SRGAP1: variants seen among roughly 807,000 people sequenced by gnomAD.
SRGAP1 encodes SLIT-ROBO Rho GTPase activating protein 1.
In SRGAP1, 43 loss-of-function variants were observed where a neutral mutation model predicts 121.9. The ratio of observed to expected loss-of-function variants is 0.35; its 90% CI spans 0.28 to 0.46. The LOEUF is 0.46. Ranked by LOEUF, SRGAP1 falls within the 20% of genes least tolerant of loss-of-function variation. The pLI is 1.00. For missense variants in SRGAP1, 1,102 were observed against 1,350.9 expected (o/e 0.82, Z 2.89); for synonymous variants, 447 against 485.4 (o/e 0.92, Z 1.04).
At chr12:64,052,027 A>G (rs2035247267) in intron 6 of SRGAP1, among the ~76,000 whole-genome samples, 1 of 152,206 alleles carries the variant, frequency 6.6e-6, no homozygotes, top group Non-Finnish European at 1.5e-5. Flanking sequence ...AAAATATTAG[A>G]TATCAGAACT....
intron 18 of SRGAP1, 142 bp downstream of exon 18, chr12:64,116,035 A>G: frequency 1.5e-6 from 1 of 684,746 alleles, no homozygotes; most frequent in Non-Finnish European, 2.4e-6. Flanking sequence ...TTGGAGGATC[A>G]CTTGAGCCCA....
chr12:63,884,692 G>A (rs1381926585), intron 1 of SRGAP1, among the ~76,000 whole-genome samples: 3 of 148,816 alleles, frequency 2.0e-5, no homozygotes, highest in Non-Finnish European at 3.0e-5. Flanking sequence ...CCCTCTTCCC[G>A]CTTCCCAGTC....
chr12:63,849,983 C>T (rs965747702), intron 1 of SRGAP1, among the ~76,000 whole-genome samples: 5 of 152,150 alleles, frequency 3.3e-5, no homozygotes, highest in African/African-American at 1.2e-4. Flanking sequence ...AGGAAACCGT[C>T]GTCTGTGAAC....
chr12:64,137,961 A>ATATATATATATATATAT (rs1555177364), intron 21 of SRGAP1, among the ~76,000 whole-genome samples: 1 of 139,684 alleles, frequency 7.2e-6, no homozygotes, highest in African/African-American at 2.7e-5. Context: ...TTAAAAAAAA[A>ATATATATATATATATAT]ATATATATAT....
At chr12:63,882,439 G>A (rs1021579006) in intron 1 of SRGAP1, among the ~76,000 whole-genome samples, 1 of 151,874 alleles carries the variant, frequency 6.6e-6, no homozygotes, top group Non-Finnish European at 1.5e-5. Context: ...CCGCAACCAC[G>A]CCTGGCTAAG....
intron 15 of SRGAP1, among the ~76,000 whole-genome samples, chr12:64,103,670 C>G (rs2036294589): frequency 6.6e-6 from 1 of 152,142 alleles, no homozygotes; most frequent in South Asian, 2.1e-4. Flanking sequence ...TTTCCTTTAT[C>G]CTTAAAAATA....
chr12:64,034,210 CTG>C (rs2034848782), intron 4 of SRGAP1, among the ~76,000 whole-genome samples: 1 of 152,050 alleles, frequency 6.6e-6, no homozygotes, highest in African/African-American at 2.4e-5. Flanking sequence ...CCTGCTCGTG[CTG>C]TCTCATGATA....
At chr12:63,998,417 CT>C (rs1463692295) in intron 3 of SRGAP1, among the ~76,000 whole-genome samples, 1 of 152,138 alleles carries the variant, frequency 6.6e-6, no homozygotes, top group Non-Finnish European at 1.5e-5. Flanking sequence ...TAGTAGTAAC[CT>C]ACCTTCACAG....
intron 1 of SRGAP1, among the ~76,000 whole-genome samples, chr12:63,918,852 T>C (rs961888121): frequency 7.2e-5 from 11 of 152,198 alleles, no homozygotes; most frequent in Admixed American, 3.9e-4. Context: ...TGTCAAAGAC[T>C]CCACAGTTAG....
chr12:64,075,679 C>G (rs567074307), intron 8 of SRGAP1, among the ~76,000 whole-genome samples: 1 of 152,260 alleles, frequency 6.6e-6, no homozygotes, highest in East Asian at 1.9e-4. Flanking sequence ...TCTTTTAATT[C>G]AGTCTATAGA....
At chr12:63,977,936 T>C (rs1365871830) in intron 1 of SRGAP1, among the ~76,000 whole-genome samples, 2 of 152,176 alleles carry the variant, frequency 1.3e-5, no homozygotes, top group Non-Finnish European at 2.9e-5. Context: ...CTAAAAGTGG[T>C]TGTGCTGTTT....
chr12:63,898,138 C>CT (rs1900815186), intron 1 of SRGAP1, among the ~76,000 whole-genome samples: 1 of 152,184 alleles, frequency 6.6e-6, no homozygotes, highest in South Asian at 2.1e-4. Context: ...TAATGTTGGT[C>CT]TTTCAAAGCA....
At chr12:64,111,067 A>C (rs1332679606) in intron 16 of SRGAP1, among the ~76,000 whole-genome samples, 1 of 152,196 alleles carries the variant, frequency 6.6e-6, no homozygotes, top group African/African-American at 2.4e-5. Context: ...TCACTGTGAA[A>C]ATATTTCACA....
chr12:63,862,998 G>A (rs1184797456), intron 1 of SRGAP1, among the ~76,000 whole-genome samples: 2 of 152,160 alleles, frequency 1.3e-5, no homozygotes, highest in African/African-American at 2.4e-5. Flanking sequence ...TAGAAAAGGC[G>A]AGGAATGTTT....
chr12:64,145,626 C>T lies in SRGAP1; in HGVS notation c.*2954C>T, dbSNP rs533476990. 7 of 152,150 alleles carry T rather than the reference C, an allele frequency of 4.6e-5. No homozygotes were observed. Among genetic ancestry groups the T allele is most frequent in the African/African-American group, 1.7e-4 (7 of 41,508 alleles). The allele number at this position is 152,150 out of a possible 1,614,324, so 9.4% of individuals were successfully genotyped here. A position where few individuals can be genotyped will look rare whatever the true frequency, so the allele number is the denominator to read the frequency against. On this transcript the variant is annotated 3_prime_UTR_variant, in exon 22 of 22. Transcript: ENST00000355086. The stretch of plus-strand genomic sequence containing the variant: ...GAGTGAGGACTCAGTAAAGACTCAC[C>T]TCTCCTTACTTGGTTTATTAAATGT...
chr12:64,138,416 TC>T (rs1443673131), intron 21 of SRGAP1, among the ~76,000 whole-genome samples: 3 of 151,158 alleles, frequency 2.0e-5, no homozygotes, highest in African/African-American at 7.3e-5. Context: ...TATTGTAACT[TC>T]CCCCCTTTTA....
chr12:64,087,733 CAAAAAATAAAAAT>C (rs558468448), intron 11 of SRGAP1, among the ~76,000 whole-genome samples: 37 of 151,768 alleles, frequency 2.4e-4, no homozygotes, highest in Admixed American at 4.6e-4. Flanking sequence ...GACTCCATCT[CAAAAAATAAAAAT>C]AAAAAATAAA....
At chr12:64,063,250 C>A in intron 7 of SRGAP1, 112 bp downstream of exon 7, 3 of 942,684 alleles carry the variant, frequency 3.2e-6, no homozygotes, top group East Asian at 2.6e-5. Context: ...CTCTCCTGTC[C>A]TTGCAGAGGC....
At chr12:64,000,238 G>GT (rs1432647768) in intron 3 of SRGAP1, among the ~76,000 whole-genome samples, 2 of 121,588 alleles carry the variant, frequency 1.6e-5, no homozygotes, top group South Asian at 5.1e-4. Context: ...AGAAAGGTAG[G>GT]GGTGTGTGTG....
Sources: allele counts gnomAD v4.1 joint callset (sites outside exome capture counted in the v4.1 genomes callset), GRCh38; gene constraint gnomAD v4.1.1; transcripts MANE v1.5; gene names NCBI Gene and HGNC (gene_info 2026-07-23, HGNC 2026-07-21).